The following ST6GAL1 variants were observed in gnomAD, a reference collection of about 807,000 sequenced individuals.
ST6GAL1 encodes ST6 beta-galactoside alpha-2,6-sialyltransferase 1.
ST6GAL1 carries 20 observed loss-of-function variants against 38.0 expected under a neutral mutation model. The observed-to-expected ratio is 0.53, with a 90% confidence interval of 0.37 to 0.77. The LOEUF (loss-of-function observed/expected upper bound fraction) is 0.77. ST6GAL1 is among the 30% of genes least tolerant of loss of function. The pLI is 0.00. For missense variants in ST6GAL1, 432 were observed against 496.4 expected (o/e 0.87, Z 1.23); for synonymous variants, 196 against 188.2 (o/e 1.04, Z -0.34).
At chr3:186,984,988 A>G (rs1048052456) in intron 2 of ST6GAL1, among the ~76,000 whole-genome samples, 20 of 151,756 alleles carry the variant, frequency 1.3e-4, no homozygotes, top group African/African-American at 4.8e-4. Flanking sequence ...GGCTCACTGC[A>G]ACCTCCACCT....
chr3:187,027,435 T>A (rs951830309), intron 2 of ST6GAL1, among the ~76,000 whole-genome samples: 1 of 152,162 alleles, frequency 6.6e-6, no homozygotes, highest in Non-Finnish European at 1.5e-5. Flanking sequence ...TGAATCAGAA[T>A]GATTGAGACA....
chr3:187,039,491 T>C (rs548939940), intron 3 of ST6GAL1, among the ~76,000 whole-genome samples: 1 of 152,026 alleles, frequency 6.6e-6, no homozygotes, highest in Non-Finnish European at 1.5e-5. Context: ...GGAGCAGGGA[T>C]AGTGCGGAAG....
chr3:186,965,918 G>C (rs1715096678), intron 2 of ST6GAL1, among the ~76,000 whole-genome samples: 1 of 152,010 alleles, frequency 6.6e-6, no homozygotes, highest in Non-Finnish European at 1.5e-5. Context: ...TATTTTTTCG[G>C]GACAGAGTGT....
chr3:187,034,719 A>T (rs1717868755), intron 2 of ST6GAL1, among the ~76,000 whole-genome samples: 1 of 152,196 alleles, frequency 6.6e-6, no homozygotes, highest in Admixed American at 6.5e-5. Flanking sequence ...TCATCAAAAA[A>T]GCCTTCAAGA....
At chr3:186,933,010 G>C (rs1276465848) in intron 1 of ST6GAL1, among the ~76,000 whole-genome samples, 5 of 152,198 alleles carry the variant, frequency 3.3e-5, no homozygotes, top group Non-Finnish European at 7.3e-5. Context: ...CAGGTACCCG[G>C]TGAAACCCCC....
intron 1 of ST6GAL1, among the ~76,000 whole-genome samples, chr3:186,937,953 A>G (rs1479408840): frequency 6.6e-6 from 1 of 152,186 alleles, no homozygotes; most frequent in Non-Finnish European, 1.5e-5. Flanking sequence ...GGGTGCCTAT[A>G]ATCCCAGTTA....
At chr3:187,072,334 CGTGTTGGAACAGATGTGTTGGACT>C (rs1719411733) in intron 5 of ST6GAL1, 1 of 164,892 alleles carries the variant, frequency 6.1e-6, no homozygotes, top group Admixed American at 5.9e-5. Context: ...CCATCTGTTC[CGTGTTGGAACAGATGTGTTGGACT>C]GTGTTGGCTG....
At chr3:186,963,185 A>G (rs985319228) in intron 1 of ST6GAL1, among the ~76,000 whole-genome samples, 13 of 152,344 alleles carry the variant, frequency 8.5e-5, no homozygotes, top group African/African-American at 2.9e-4. Flanking sequence ...GGATCAGTTA[A>G]AAATGCTTCC....
At chr3:187,010,202 GAA>G (rs1284156941) in intron 2 of ST6GAL1, among the ~76,000 whole-genome samples, 1 of 152,088 alleles carries the variant, frequency 6.6e-6, no homozygotes, top group Non-Finnish European at 1.5e-5. Flanking sequence ...GGTTAAAAGA[GAA>G]TGGTCATTTT....
At chr3:186,944,795 C>T (rs1366622815) in intron 1 of ST6GAL1, among the ~76,000 whole-genome samples, 4 of 152,176 alleles carry the variant, frequency 2.6e-5, no homozygotes, top group Non-Finnish European at 5.9e-5. Flanking sequence ...GGAGAGTCTG[C>T]GGAGGCACTC....
At chr3:186,971,993 A>G (rs1715364541) in intron 2 of ST6GAL1, among the ~76,000 whole-genome samples, 1 of 152,184 alleles carries the variant, frequency 6.6e-6, no homozygotes, top group Non-Finnish European at 1.5e-5. Context: ...TGCACTGGGG[A>G]AAGAAACGAA....
intron 5 of ST6GAL1, among the ~76,000 whole-genome samples, chr3:187,069,633 T>C (rs1413619926): frequency 1.3e-5 from 2 of 152,230 alleles, no homozygotes; most frequent in African/African-American, 4.8e-5. Flanking sequence ...CTAAAAACAC[T>C]AATTCAGAAC....
intron 2 of ST6GAL1, among the ~76,000 whole-genome samples, chr3:187,014,525 G>GGGGCA (rs554575005): frequency 1.6e-4 from 24 of 152,318 alleles, no homozygotes; most frequent in Non-Finnish European, 3.1e-4. Flanking sequence ...AGGCAGCCCA[G>GGGGCA]GGGCAGCTCT....
At chr3:186,965,312 T>G (rs11717415) in intron 2 of ST6GAL1, among the ~76,000 whole-genome samples, 5,345 of 152,216 alleles carry the variant, frequency 0.035, 134 homozygotes, top group East Asian at 0.064. Flanking sequence ...CTAATGCGGG[T>G]GTGGGGGACT....
At chr3:187,062,338 T>C (rs9847815) in intron 5 of ST6GAL1, among the ~76,000 whole-genome samples, 14,264 of 152,102 alleles carry the variant, frequency 0.094, 2,227 homozygotes, top group African/African-American at 0.32. Flanking sequence ...TTGGCGTATA[T>C]GTACAGAAAT....
At chr3:186,944,220 G>C (rs1714278093) in intron 1 of ST6GAL1, among the ~76,000 whole-genome samples, 1 of 152,216 alleles carries the variant, frequency 6.6e-6, no homozygotes, top group Non-Finnish European at 1.5e-5. Flanking sequence ...TGTGAGCCCA[G>C]GTAGTGCCTG....
chr3:186,966,412 A>G (rs1308246633), intron 2 of ST6GAL1, among the ~76,000 whole-genome samples: 3 of 152,248 alleles, frequency 2.0e-5, no homozygotes, highest in Non-Finnish European at 4.4e-5. Flanking sequence ...GACTTCTGCA[A>G]GATTTCACAG....
chr3:186,940,190 A>G (rs553045761), intron 1 of ST6GAL1, among the ~76,000 whole-genome samples: 2 of 152,194 alleles, frequency 1.3e-5, no homozygotes, highest in Middle Eastern at 6.8e-3. Flanking sequence ...CAGAGAATCA[A>G]CTCTCAGCCC....
Position 187,018,815 on chromosome 3 carries a change from G to C in ST6GAL1, c.-182-19927G>C, listed in dbSNP as rs368791508. Among the ~76,000 whole-genome samples the C allele has an allele frequency of 1.1e-4, 16 of 152,290 alleles. No homozygotes were observed. The East Asian group carries it at 2.1e-3, about 20-fold the overall frequency. On this transcript the variant is annotated intron_variant, in intron 2 of 7. Coordinates refer to ENST00000169298, the MANE Select transcript of ST6GAL1 (RefSeq NM_173216.2). ...CACAGGGGCATGCTAAGCAAGAATTGTGTCTATGGCTGTAATCACAAAGTT... is the reference window on the plus strand; with the variant it reads ...CACAGGGGCATGCTAAGCAAGAATTCTGTCTATGGCTGTAATCACAAAGTT...
Sources: allele counts gnomAD v4.1 joint callset (sites outside exome capture counted in the v4.1 genomes callset), GRCh38; gene constraint gnomAD v4.1.1; transcripts MANE v1.5; gene names NCBI Gene and HGNC (gene_info 2026-07-23, HGNC 2026-07-21).